The following DAGLA variants were observed in gnomAD, a reference collection of about 807,000 sequenced individuals.
DAGLA encodes the protein diacylglycerol lipase-alpha.
DAGLA carries 22 observed loss-of-function variants against 102.6 expected under a neutral mutation model. The observed-to-expected ratio is 0.21, with a 90% CI of 0.15 to 0.31. DAGLA has a LOEUF of 0.31. Ranked by LOEUF, DAGLA falls within the 10% of genes least tolerant of loss-of-function variation. The probability of loss-of-function intolerance (pLI) is 1.00; values close to 1 mark genes in which losing one functional copy is unlikely to be tolerated. For missense variants in DAGLA, 927 were observed against 1,446.6 expected, an observed-to-expected ratio of 0.64 and a Z score of 5.83; for synonymous variants, 578 against 628.9, an observed-to-expected ratio of 0.92 and a Z score of 1.21.
At chr11:61,720,988 GT>G in intron 3 of DAGLA, 98 bp downstream of exon 3, 1 of 1,167,424 alleles carries the variant, frequency 8.6e-7, no homozygotes, top group Non-Finnish European at 1.2e-6. Flanking sequence ...GCCAGGCCCT[GT>G]TTTAGCACTG....
At chr11:61,691,759 G>A (rs375288437) in intron 1 of DAGLA, among the ~76,000 whole-genome samples, 1 of 152,226 alleles carries the variant, frequency 6.6e-6, no homozygotes, top group South Asian at 2.1e-4. Context: ...GGGATGTAGG[G>A]TTGAGAACTC....
intron 1 of DAGLA, among the ~76,000 whole-genome samples, chr11:61,700,035 C>G (rs2065096891): frequency 6.6e-6 from 1 of 152,226 alleles, no homozygotes; most frequent in African/African-American, 2.4e-5. Flanking sequence ...CCAAGGCTGC[C>G]CCAGCAGTGC....
At chr11:61,703,081 T>C (rs558798634) in intron 1 of DAGLA, among the ~76,000 whole-genome samples, 84 of 152,260 alleles carry the variant, frequency 5.5e-4, no homozygotes, top group African/African-American at 2.0e-3. Context: ...GCAGCTCTGC[T>C]GTGGCTCCTA....
In DAGLA at chr11:61,724,292, G is replaced by A. The variant is rs529916438; in HGVS notation, c.548+720G>A. 3.3e-5 allele frequency among the ~76,000 whole-genome samples: 5 copies of A among 152,284 alleles called. No individual in the cohort carries two copies. In the East Asian group the frequency reaches 7.7e-4, roughly 23 times the overall value. Reference sequence around the variant, plus strand: ...AGAAAAAGAGAGGGGCTTCCAGGGTGGGTCCCAGTACCTCCTGTTAATGGG... The same window carrying A: ...AGAAAAAGAGAGGGGCTTCCAGGGTAGGTCCCAGTACCTCCTGTTAATGGG... On this transcript the variant is annotated intron_variant, in intron 5 of 19. Coordinates refer to ENST00000257215, the MANE Select transcript of DAGLA (RefSeq NM_006133.3).
chr11:61,743,050 C>T (rs1176811867), intron 19 of DAGLA, among the ~76,000 whole-genome samples: 11 of 152,096 alleles, frequency 7.2e-5, no homozygotes, highest in Non-Finnish European at 2.9e-5. Flanking sequence ...ATCTTGGGTT[C>T]TTGTGAGTTG....
chr11:61,744,521 C>T lies in DAGLA; in HGVS notation c.*32C>T. The stretch of plus-strand genomic sequence containing the variant: ...AGTTGCGTGGCCAGCCGGGCCCAGG[C>T]AGGAGCAGGTGGCCCTGTGGGCACC... On this transcript the variant is annotated 3_prime_UTR_variant, in exon 20 of 20. Coordinates refer to ENST00000257215, the MANE Select transcript of DAGLA (RefSeq NM_006133.3). 1 of 1,513,352 alleles carries T rather than the reference C, an allele frequency of 6.6e-7. No homozygotes were observed. Among genetic ancestry groups the T allele is most frequent in the Non-Finnish European group, 8.9e-7 (1 of 1,128,298 alleles). The allele number at this position is 1,513,352 out of a possible 1,614,324, so 93.7% of individuals were successfully genotyped here. A position where few individuals can be genotyped will look rare whatever the true frequency, so the allele number is the denominator to read the frequency against.
intron 1 of DAGLA, among the ~76,000 whole-genome samples, chr11:61,693,908 A>G (rs1219386440): frequency 6.6e-6 from 1 of 152,190 alleles, no homozygotes; most frequent in Non-Finnish European, 1.5e-5. Context: ...CCCATTTTAC[A>G]TAAGAGGAGA....
At chr11:61,742,199 C>T (rs905373933) in intron 19 of DAGLA, among the ~76,000 whole-genome samples, 1 of 152,210 alleles carries the variant, frequency 6.6e-6, no homozygotes, top group Non-Finnish European at 1.5e-5. Context: ...CTGGTCTACA[C>T]ACTCATACAC....
At chr11:61,731,186 T>A in intron 8 of DAGLA, 131 bp from the exon 9 acceptor site, 1 of 1,109,748 alleles carries the variant, frequency 9.0e-7, no homozygotes, top group Non-Finnish European at 1.3e-6. Context: ...GCCCCACACC[T>A]CAACAGGGGA....
intron 1 of DAGLA, among the ~76,000 whole-genome samples, chr11:61,709,695 C>T (rs990614357): frequency 6.6e-6 from 1 of 152,184 alleles, no homozygotes; most frequent in Non-Finnish European, 1.5e-5. Flanking sequence ...GGTGCCACCT[C>T]CCTCTCCAGT....
At chr11:61,728,368 G>A (rs915899167) in intron 7 of DAGLA, 81 bp downstream of exon 7, 40 of 1,550,100 alleles carry the variant, frequency 2.6e-5, no homozygotes, top group African/African-American at 1.9e-4. Context: ...CCCCTGCAGC[G>A]GAGGGCTCGG....
rs540398503 is a variant in DAGLA at position 61,721,591 on chromosome 11, G to A, written c.307+701G>A. Among the ~76,000 whole-genome samples the A allele has an allele frequency of 2.0e-5, 3 of 152,238 alleles. No homozygotes were observed. In the East Asian group the frequency reaches 5.8e-4, roughly 29 times the overall value. On this transcript the variant is annotated intron_variant, in intron 3 of 19. Coordinates refer to ENST00000257215, the MANE Select transcript of DAGLA (RefSeq NM_006133.3). Reference sequence around the variant, plus strand: ...CCTCAACCATGTGCATCTCTTCAAAGCATATCTTCCTTGTGATCCTTCTCA... The same window carrying A: ...CCTCAACCATGTGCATCTCTTCAAAACATATCTTCCTTGTGATCCTTCTCA...
chr11:61,746,360 A>G lies in DAGLA; in HGVS notation c.*1871A>G, dbSNP rs1026060823. 5 of 152,546 alleles carry G rather than the reference A, an allele frequency of 3.3e-5. No individual in the cohort carries two copies. The highest frequency in any genetic ancestry group is 1.2e-4 in the African/African-American group (5 of 41,458). 9.4% of individuals were successfully genotyped at this position (152,546 alleles called of 1,614,324 possible). Reference sequence around the variant, plus strand: ...GAAAACAAGACAGACTCTCAGATGAAAGATCTGACAAGCACCGTGGCCAGT... The same window carrying G: ...GAAAACAAGACAGACTCTCAGATGAGAGATCTGACAAGCACCGTGGCCAGT... On this transcript the variant is annotated 3_prime_UTR_variant, in exon 20 of 20. Coordinates refer to ENST00000257215, the MANE Select transcript of DAGLA (RefSeq NM_006133.3).
intron 1 of DAGLA, among the ~76,000 whole-genome samples, chr11:61,706,998 T>A (rs1173808405): frequency 6.6e-6 from 1 of 152,232 alleles, no homozygotes; most frequent in African/African-American, 2.4e-5. Flanking sequence ...GCAGCTTCAC[T>A]GACCTCCCCT....
chr11:61,731,617 C>T (rs1270078321), intron 9 of DAGLA, among the ~76,000 whole-genome samples, 176 bp downstream of exon 9: 8 of 152,198 alleles, frequency 5.3e-5, no homozygotes, highest in South Asian at 2.1e-4. Context: ...TTGTAGGCTT[C>T]GGAGTCACAC....
intron 1 of DAGLA, among the ~76,000 whole-genome samples, chr11:61,681,524 G>C (rs138417087): frequency 6.6e-6 from 1 of 152,244 alleles, no homozygotes; most frequent in South Asian, 2.1e-4. Context: ...GTGGTATGGC[G>C]CACCATCTAT....
Position 61,741,528 on chromosome 11 carries a change from C to G in DAGLA, c.2171+179C>G, listed in dbSNP as rs1043739160. Among the ~76,000 whole-genome samples the G allele has an allele frequency of 3.3e-5, 5 of 152,142 alleles. No individual in the cohort carries two copies. In the East Asian group the frequency reaches 9.6e-4, roughly 29 times the overall value. ...TGCTGTGCTCCAGCTGTCCCACAGC[C>G]TGCTGTCCCTGAATCCTACATGAGC... is the stretch of plus-strand genomic sequence containing the variant. On this transcript the variant is annotated intron_variant, in intron 19 of 19. Transcript: ENST00000257215.
chr11:61,731,408 C>G lies in DAGLA; in HGVS notation c.941C>G (p.Ala314Gly), dbSNP rs755203881. 1 of 1,614,048 alleles carries G rather than the reference C, an allele frequency of 6.2e-7. No individual in the cohort carries two copies. Among genetic ancestry groups the G allele is most frequent in the South Asian group, 1.1e-5 (1 of 91,086 alleles). Residue 314 changes from alanine (A) to glycine (G), a missense_variant, in exon 9 of 20, where the codon GCC (alanine) becomes GGC (glycine). Coordinates refer to ENST00000257215, the MANE Select transcript of DAGLA (RefSeq NM_006133.3). ...CCCATGTACCTGATGCGGAAGCCCG[C>G]CTGCGGCCTCTGCCAACTGGCTCGG... ...GWPMYLMRKPACGLCQLARSC... is the reference protein window; with the variant it reads ...GWPMYLMRKPGCGLCQLARSC...
At position 61,734,697 on chromosome 11, in the gene DAGLA, T is replaced by C. The variant is rs2065408327; in HGVS notation, c.975-152T>C. ...GGCTAAGAGTGGCCAGTGGATTTGG[T>C]GACGTGGGGGTCACTAGGACTTAGC... On this transcript the variant is annotated intron_variant, in intron 9 of 19. Transcript: ENST00000257215. The surrounding 1 kb of genome is among the most constrained non-coding windows in gnomAD (Gnocchi z 4.2). 3 of 665,608 alleles carry C rather than the reference T, an allele frequency of 4.5e-6. No individual in the cohort carries two copies. Among genetic ancestry groups the C allele is most frequent in the Non-Finnish European group, 7.7e-6 (3 of 391,236 alleles). The allele number at this position is 665,608 out of a possible 1,614,324, so 41.2% of individuals were successfully genotyped here.
Sources: gnomAD v4.1 joint callset for allele counts (sites outside exome capture counted in the v4.1 genomes callset) on GRCh38, gnomAD v4.1.1 for gene constraint, Gnocchi (gnomAD v3.1) non-coding constraint, MANE v1.5 for transcripts, NCBI Gene and HGNC (gene_info 2026-07-23, HGNC 2026-07-21) for gene names.